NUDT13: variants seen among roughly 807,000 people sequenced by gnomAD.
NUDT13 encodes the protein NAD(P)H pyrophosphatase NUDT13, mitochondrial.
Under a neutral mutation model 41.7 loss-of-function variants are expected in NUDT13, and 40 were observed. The observed-to-expected ratio is 0.96, with a 90% CI of 0.75 to 1.25. NUDT13 has a LOEUF of 1.25. Among genes scored for constraint, NUDT13 ranks in the 50% most tolerant of loss-of-function variants. The pLI, the probability that NUDT13 is intolerant of heterozygous loss-of-function variation, is 0.00. For missense variants in NUDT13, 390 were observed against 416.1 expected (o/e 0.94, Z 0.55); for synonymous variants, 145 against 155.5 (o/e 0.93, Z 0.50).
At chr10:73,128,703 T>C (rs139310993) in intron 8 of NUDT13, among the ~76,000 whole-genome samples, 4 of 152,216 alleles carry the variant, frequency 2.6e-5, no homozygotes, top group Admixed American at 6.5e-5. Flanking sequence ...CTTCACTCTG[T>C]TGATTGATTC....
intron 1 of NUDT13, among the ~76,000 whole-genome samples, chr10:73,112,844 CTATA>C (rs201482211): frequency 6.6e-6 from 1 of 151,232 alleles, no homozygotes; most frequent in Non-Finnish European, 1.5e-5. Context: ...CTCCCTGTTA[CTATA>C]TATATATATT....
intron 3 of NUDT13, among the ~76,000 whole-genome samples, chr10:73,120,676 C>T (rs1197100576): frequency 7.9e-5 from 12 of 152,094 alleles, no homozygotes; most frequent in African/African-American, 2.2e-4. Context: ...CGGTGGCTCA[C>T]GCCTGTAATC....
chr10:73,119,969 A>G (rs1046143001), intron 2 of NUDT13, 49 bp from the exon 3 acceptor site: 1 of 1,578,706 alleles, frequency 6.3e-7, no homozygotes, highest in Non-Finnish European at 8.7e-7. Context: ...AATGCTATAC[A>G]GGTAACTAAG....
rs922143448 is a variant in NUDT13 at position 73,110,548 on chromosome 10, T to TGCC, written c.-28_-26dup. 1 of 152,154 alleles carries TGCC rather than the reference T, an allele frequency of 6.6e-6. No individual in the cohort carries two copies. The highest frequency in any genetic ancestry group is 2.4e-5 in the African/African-American group (1 of 41,424). The allele number at this position is 152,154 out of a possible 1,614,324, so 9.4% of individuals were successfully genotyped here. A position where few individuals can be genotyped will look rare whatever the true frequency, so the allele number is the denominator to read the frequency against. ...TGCTGATTCCTGAGGACTAGGAAGG[T>TGCC]GCCCCGAAAAGAATTCAGAGTGAGT... On this transcript the variant is annotated 5_prime_UTR_variant, in exon 1 of 9. Coordinates refer to ENST00000357321, the MANE Select transcript of NUDT13 (RefSeq NM_015901.6).
intron 1 of NUDT13, among the ~76,000 whole-genome samples, chr10:73,113,593 T>G (rs944294773): frequency 6.6e-6 from 1 of 152,204 alleles, no homozygotes; most frequent in Admixed American, 6.5e-5. Context: ...TTTTCATCTT[T>G]TACATTTTTG....
chr10:73,120,285 A>G (rs1406720973), intron 3 of NUDT13, 128 bp downstream of exon 3: 2 of 839,756 alleles, frequency 2.4e-6, no homozygotes, highest in African/African-American at 3.4e-5. Flanking sequence ...TTTGAGTCTC[A>G]TGCTTGTATA....
intron 4 of NUDT13, among the ~76,000 whole-genome samples, chr10:73,122,969 C>T (rs1208897764): frequency 6.7e-6 from 1 of 149,910 alleles, no homozygotes; most frequent in Non-Finnish European, 1.5e-5. Flanking sequence ...GGCGCGATCT[C>T]GGCTCGCCAC....
chr10:73,115,175 T>A (rs1842477846), intron 2 of NUDT13: 1 of 152,030 alleles, frequency 6.6e-6, no homozygotes, highest in South Asian at 2.1e-4. Flanking sequence ...CATCAAAAAA[T>A]ATATATTTTT....
chr10:73,122,831 C>T (rs901414283), intron 4 of NUDT13, among the ~76,000 whole-genome samples: 1 of 151,476 alleles, frequency 6.6e-6, no homozygotes, highest in Non-Finnish European at 1.5e-5. Flanking sequence ...ATCCTCCCTC[C>T]TTGGCCTCCC....
At chr10:73,123,354 T>G (rs1341712769) in intron 4 of NUDT13, among the ~76,000 whole-genome samples, 1 of 152,210 alleles carries the variant, frequency 6.6e-6, no homozygotes, top group African/African-American at 2.4e-5. Flanking sequence ...GGCTCATGGC[T>G]CCTGTCAGGC....
rs1842660383 is a variant in NUDT13, at chr10:73,122,209, T to C, written c.258T>C (p.Asp86=). 1.3e-5 allele frequency: 21 copies of C among 1,613,908 alleles called. No individual in the cohort carries two copies. The highest frequency in any genetic ancestry group is 1.7e-5 in the Non-Finnish European group (20 of 1,179,932). ...LERLLGKFGQ[D]AQRIEDSVLI... ...GGCTCCTGGGTAAATTTGGACAGGA[T>C]GCACAAAGAATAGAAGATTCTGTGC... Residue 86 remains aspartate (D), a synonymous_variant, in exon 4 of 9, where the codon GAT becomes GAC. Transcript: ENST00000357321.
intron 8 of NUDT13, among the ~76,000 whole-genome samples, chr10:73,127,438 A>T (rs1358144263): frequency 2.0e-5 from 3 of 152,100 alleles, no homozygotes; most frequent in Admixed American, 2.0e-4. Flanking sequence ...GGAATTTGCA[A>T]CCTAGTAAAG....
chr10:73,130,471 A>AAG (rs1554848243), intron 8 of NUDT13: 1 of 164,944 alleles, frequency 6.1e-6, no homozygotes. Context: ...TAAAAAAAAA[A>AAG]AAATATATAT....
chr10:73,118,593 G>A (rs7916539), intron 2 of NUDT13, among the ~76,000 whole-genome samples: 2 of 152,040 alleles, frequency 1.3e-5, no homozygotes, highest in African/African-American at 4.8e-5. Context: ...TACTGGAAAA[G>A]CCTGGTACTT....
chr10:73,124,804 T>C (rs2133223753), intron 5 of NUDT13: 1 of 236,168 alleles, frequency 4.2e-6, no homozygotes, highest in East Asian at 8.8e-5. Flanking sequence ...GGTGTTCAAC[T>C]GTACTGGGAA....
At chr10:73,114,548 A>T in intron 2 of NUDT13, 100 bp downstream of exon 2, 1 of 341,360 alleles carries the variant, frequency 2.9e-6, no homozygotes, top group Non-Finnish European at 5.2e-6. Context: ...TGATTATTAT[A>T]TATACATTAT....
chr10:73,124,112 G>C (rs1186336025), intron 4 of NUDT13, 102 bp from the exon 5 acceptor site: 2 of 766,716 alleles, frequency 2.6e-6, no homozygotes, highest in East Asian at 2.5e-5. Context: ...TGAATCTTAC[G>C]AGGCAAGTTT....
At chr10:73,130,578 C>T in intron 8 of NUDT13, 125 bp from the exon 9 acceptor site, 1 of 765,904 alleles carries the variant, frequency 1.3e-6, no homozygotes, top group East Asian at 2.6e-5. Flanking sequence ...TTCACCTAAC[C>T]TGAAGATCCC....
At chr10:73,118,473 G>A (rs1842567657) in intron 2 of NUDT13, among the ~76,000 whole-genome samples, 1 of 152,058 alleles carries the variant, frequency 6.6e-6, no homozygotes, top group Non-Finnish European at 1.5e-5. Context: ...CTGTTTTAGG[G>A]CTTTTGACAG....
Sources: allele counts gnomAD v4.1 joint callset (sites outside exome capture counted in the v4.1 genomes callset), GRCh38; gene constraint gnomAD v4.1.1; transcripts MANE v1.5; gene names NCBI Gene and HGNC (gene_info 2026-07-23, HGNC 2026-07-21).